Variants in DAPP1 observed in about 807,000 individuals in gnomAD.
DAPP1 encodes dual adaptor of phosphotyrosine and 3-phosphoinositides 1, also known as dual adapter for phosphotyrosine and 3-phosphotyrosine and 3-phosphoinositide.
Under a neutral mutation model 41.5 loss-of-function variants are expected in DAPP1, and 20 were observed. That is an observed-to-expected ratio of 0.48 (90% CI 0.34 to 0.70). The LOEUF is 0.70. Ranked by LOEUF, DAPP1 falls within the 30% of genes least tolerant of loss-of-function variation. The pLI is 0.01. For synonymous variants in DAPP1, 113 were observed against 116.2 expected, an observed-to-expected ratio of 0.97 and a Z score of 0.18; for missense variants, 233 against 333.4, an observed-to-expected ratio of 0.70 and a Z score of 2.35.
chr4:99,872,053 T>A (rs1416428825), downstream of DAPP1, among the ~76,000 whole-genome samples: 5 of 152,006 alleles, frequency 3.3e-5, no homozygotes, highest in African/African-American at 9.7e-5. Flanking sequence ...GAAAAAAAAA[T>A]GGCAGATGCC....
chr4:99,825,459 C>G (rs1722907967), intron 1 of DAPP1, among the ~76,000 whole-genome samples: 1 of 152,188 alleles, frequency 6.6e-6, no homozygotes. Flanking sequence ...CACCAAAAAA[C>G]TTGGGACCTG....
intron 3 of DAPP1, among the ~76,000 whole-genome samples, chr4:99,852,506 C>T (rs2110157867): frequency 6.6e-6 from 1 of 152,288 alleles, no homozygotes; most frequent in South Asian, 2.1e-4. Context: ...GCCTGGACCC[C>T]CTGGGCTGAG....
intron 1 of DAPP1, among the ~76,000 whole-genome samples, chr4:99,830,951 G>T (rs1037306248): frequency 1.3e-5 from 2 of 152,046 alleles, no homozygotes; most frequent in African/African-American, 4.8e-5. Context: ...AATTAAATTT[G>T]TAGCTAACTA....
At chr4:99,852,063 C>T (rs112823263) in intron 3 of DAPP1, among the ~76,000 whole-genome samples, 1 of 152,096 alleles carries the variant, frequency 6.6e-6, no homozygotes, top group East Asian at 1.9e-4. Context: ...TTACCATGCC[C>T]TATTCATTTT....
intron 3 of DAPP1, among the ~76,000 whole-genome samples, chr4:99,842,920 C>T (rs1025843092): frequency 6.8e-6 from 1 of 147,900 alleles, no homozygotes; most frequent in African/African-American, 2.6e-5. Context: ...GGCGCGATCT[C>T]GGCCCACTGC....
Position 99,841,920 on chromosome 4 carries a change from ATTC to A in DAPP1, c.358+1503_358+1505del, listed in dbSNP as rs1303625463. On this transcript the variant is annotated intron_variant, in intron 3 of 8. Transcript: ENST00000512369. ...ACCAAAGACAGCTCCCTTCTTTTAA[ATTC>A]TTCTCCTAGACTCTATTTTCAACTT... Among the ~76,000 whole-genome samples, 9 of 152,240 alleles carry A rather than the reference ATTC, an allele frequency of 5.9e-5. No individual in the cohort carries two copies. The East Asian group carries it at 1.7e-3, about 29-fold the overall frequency.
At chr4:99,849,509 A>G (rs1000305491) in intron 3 of DAPP1, among the ~76,000 whole-genome samples, 2 of 152,190 alleles carry the variant, frequency 1.3e-5, no homozygotes, top group African/African-American at 4.8e-5. Context: ...CACACGTTGG[A>G]AAGGCAGTGG....
intron 5 of DAPP1, among the ~76,000 whole-genome samples, chr4:99,862,789 C>A (rs1724285128): frequency 6.6e-6 from 1 of 151,398 alleles, no homozygotes; most frequent in Non-Finnish European, 1.5e-5. Context: ...AGAAATGACA[C>A]AAAAGAATTT....
chr4:99,829,230 A>G (rs1331441563), intron 1 of DAPP1, among the ~76,000 whole-genome samples: 2 of 152,172 alleles, frequency 1.3e-5, no homozygotes, highest in Non-Finnish European at 2.9e-5. Context: ...CTGCAATCCC[A>G]ACACTTTGGG....
At chr4:99,830,227 A>T (rs1261240800) in intron 1 of DAPP1, among the ~76,000 whole-genome samples, 2 of 152,164 alleles carry the variant, frequency 1.3e-5, no homozygotes, top group East Asian at 3.9e-4. Flanking sequence ...TACTAAAAAT[A>T]CAAAAATTAT....
chr4:99,844,593 G>A (rs951257713), intron 3 of DAPP1: 3 of 152,074 alleles, frequency 2.0e-5, no homozygotes, highest in African/African-American at 7.2e-5. Context: ...TTTTGTTTAT[G>A]TTTCAATAAT....
downstream of DAPP1, among the ~76,000 whole-genome samples, chr4:99,872,210 C>T (rs550293045): frequency 8.9e-4 from 136 of 152,342 alleles, no homozygotes; most frequent in African/African-American, 3.0e-3. Context: ...TCCCATCCTA[C>T]GGTTATTTCC....
chr4:99,853,476 T>C, intron 4 of DAPP1, 128 bp downstream of exon 4: 1 of 1,307,442 alleles, frequency 7.6e-7, no homozygotes, highest in South Asian at 1.5e-5. Context: ...TGGAAAGGAA[T>C]GTGAGATTTG....
chr4:99,861,711 T>C (rs1198795888), intron 5 of DAPP1, 86 bp downstream of exon 5: 13 of 1,451,666 alleles, frequency 9.0e-6, no homozygotes, highest in Non-Finnish European at 1.2e-5. Flanking sequence ...ATAGTTTTTC[T>C]TGGAAGCATA....
chr4:99,841,280 A>T (rs1327704145), intron 3 of DAPP1, among the ~76,000 whole-genome samples: 1 of 152,192 alleles, frequency 6.6e-6, no homozygotes, highest in Non-Finnish European at 1.5e-5. Flanking sequence ...TGATGGGAAG[A>T]GATGGCATCA....
At chr4:99,860,124 A>G (rs1724187771) in intron 4 of DAPP1, among the ~76,000 whole-genome samples, 1 of 152,254 alleles carries the variant, frequency 6.6e-6, no homozygotes, top group South Asian at 2.1e-4. Flanking sequence ...GTTACAGTTC[A>G]TAGATTTTTA....
intron 3 of DAPP1, among the ~76,000 whole-genome samples, chr4:99,851,020 G>T (rs1158361242): frequency 1.3e-5 from 2 of 152,146 alleles, no homozygotes; most frequent in Admixed American, 1.3e-4. Context: ...CTTTCCAAGG[G>T]TCCAGAGTGA....
In DAPP1 at chr4:99,868,715, C is replaced by T. The variant is rs1319569843; in HGVS notation, c.*530C>T. ...CCCCCTTTATACAAAAAAAAAAGAACATTTCCAAAACTAAAATAGAAAATG... is the reference window on the plus strand; with the variant it reads ...CCCCCTTTATACAAAAAAAAAAGAATATTTCCAAAACTAAAATAGAAAATG... On this transcript the variant is annotated 3_prime_UTR_variant, in exon 9 of 9. Transcript: ENST00000512369. 1 of 146,018 alleles carries T rather than the reference C, an allele frequency of 6.8e-6. No individual in the cohort carries two copies. The allele number at this position is 146,018 out of a possible 1,614,324, so 9.0% of individuals were successfully genotyped here.
chr4:99,817,528 C>T lies in DAPP1; in HGVS notation c.101+514C>T, dbSNP rs879197647. On this transcript the variant is annotated intron_variant, in intron 1 of 8. Transcript: ENST00000512369. Reference sequence around the variant, plus strand: ...GCTTGTATATTTCTTTCTCCTGATACTGCATTTGTGAGATTTGATATCGTA... The same window carrying T: ...GCTTGTATATTTCTTTCTCCTGATATTGCATTTGTGAGATTTGATATCGTA... Among the ~76,000 whole-genome samples, 7 of 152,186 alleles carry T rather than the reference C, an allele frequency of 4.6e-5. 2 individuals are homozygous for T. Among genetic ancestry groups the T allele is most frequent in the Admixed American group, 4.6e-4 (7 of 15,282 alleles).
Sources: gnomAD v4.1 joint callset for allele counts (sites outside exome capture counted in the v4.1 genomes callset) on GRCh38, gnomAD v4.1.1 for gene constraint, MANE v1.5 for transcripts, NCBI Gene and HGNC (gene_info 2026-07-23, HGNC 2026-07-21) for gene names.